Variants in CEBPZOS observed in about 807,000 individuals in gnomAD.
CEBPZOS encodes protein CEBPZOS.
Under a neutral mutation model 4.8 loss-of-function variants are expected in CEBPZOS, and 10 were observed. That is an observed-to-expected ratio of 2.07 (90% confidence interval 1.28 to 3.52). The LOEUF is 3.52. Ranked by LOEUF, CEBPZOS falls within the 30% of genes most tolerant of loss-of-function variation. The pLI is 0.00. For missense variants in CEBPZOS, 98 were observed against 43.6 expected, an observed-to-expected ratio of 2.25 and a Z score of -3.51; for synonymous variants, 25 against 14.2, an observed-to-expected ratio of 1.77 and a Z score of -1.72.
At chr2:37,215,048 A>T, downstream of CEBPZOS, 1 of 801,592 alleles carries the variant, frequency 1.2e-6, no homozygotes, top group Non-Finnish European at 2.1e-6. Flanking sequence ...CTGTAATTCT[A>T]AAAATCTCAG....
Position 37,199,769 on chromosome 2 carries a change from T to C in CEBPZOS, c.65T>C (p.Val22Ala). 1.4e-6 allele frequency: 1 copy of C among 717,654 alleles called. No individual in the cohort carries two copies. The highest frequency in any genetic ancestry group is 2.7e-5 in the East Asian group (1 of 37,282). The allele number at this position is 717,654 out of a possible 1,614,324, so 44.5% of individuals were successfully genotyped here. The change falls in exon 2 of 5, where the codon GTA becomes GCA. Residue 22 changes from valine (V) to alanine (A), a missense_variant. Transcript: ENST00000402297. ...AAAGGAGTTTTGGTAGCCGAACTTG[T>C]AGGCGTTTTTGGAGCATATTTTTTG... ...IFKGVLVAEL[V>A]GVFGAYFLFS...
intron 4 of CEBPZOS, chr2:37,212,350 T>C: frequency 1.2e-6 from 2 of 1,613,572 alleles, no homozygotes; most frequent in Admixed American, 1.7e-5. Flanking sequence ...AAAATCCATA[T>C]CATCCTTTCC....
At chr2:37,212,492 T>C (rs1677754570) in intron 4 of CEBPZOS, 5 of 1,022,600 alleles carry the variant, frequency 4.9e-6, no homozygotes, top group Non-Finnish European at 6.0e-6. Flanking sequence ...TTCTGCTGTT[T>C]ATGACAAGTG....
At chr2:37,216,051 C>T, downstream of CEBPZOS, 4 of 973,652 alleles carry the variant, frequency 4.1e-6, no homozygotes, top group Non-Finnish European at 6.0e-6. Context: ...AGGTTTTATT[C>T]TGATAAATTA....
intron 4 of CEBPZOS, chr2:37,210,885 C>G (rs1677699453): frequency 1.9e-6 from 1 of 519,154 alleles, no homozygotes; most frequent in Non-Finnish European, 3.2e-6. Flanking sequence ...TAAAAAGAAC[C>G]CCCCCCACCC....
Position 37,201,675 on chromosome 2 carries a change from A to G in CEBPZOS, c.194A>G (p.Tyr65Cys), listed in dbSNP as rs1339363803. The G allele has an allele frequency of 7.3e-6, 6 of 818,924 alleles. No homozygotes were observed. Among genetic ancestry groups the G allele is most frequent in the East Asian group, 2.7e-5 (1 of 37,632 alleles). The allele number at this position is 818,924 out of a possible 1,614,324, so 50.7% of individuals were successfully genotyped here. A position where few individuals can be genotyped will look rare whatever the true frequency, so the allele number is the denominator to read the frequency against. Residue 65 changes from tyrosine to cysteine, a missense_variant, in exon 4 of 5, where the codon TAT (tyrosine) becomes TGT (cysteine). Transcript: ENST00000402297. Reference protein sequence around the residue: ...YYKSTEKSGMYGIRELDQKTW... With the variant: ...YYKSTEKSGMCGIRELDQKTW... ...AAATCCACTGAGAAGTCTGGAATGT[A>G]TGGAATCAGAGAGCTAGATCAAAAA... is the stretch of plus-strand genomic sequence containing the variant.
Position 37,202,995 on chromosome 2 carries a change from C to T in CEBPZOS, c.*1135C>T. On this transcript the variant is annotated 3_prime_UTR_variant, in exon 5 of 5. Coordinates refer to ENST00000402297, the MANE Select transcript of CEBPZOS (RefSeq NM_001322374.2). ...GGCTGGAATCATTTAAGTTTCTTTT[C>T]TTTTTTCTTGGCCCTAAAAAAAATT... 1 of 1,549,914 alleles carries T rather than the reference C, an allele frequency of 6.5e-7. No individual in the cohort carries two copies.
At chr2:37,197,298 A>C (rs1258791280) in intron 1 of CEBPZOS, 1 of 152,236 alleles carries the variant, frequency 6.6e-6, no homozygotes, top group Non-Finnish European at 1.5e-5. Context: ...AAGTTTTATC[A>C]GCCTCCTGAA....
At chr2:37,214,291 T>C (rs547068667), downstream of CEBPZOS, among the ~76,000 whole-genome samples, 19 of 152,068 alleles carry the variant, frequency 1.2e-4, no homozygotes, top group Non-Finnish European at 2.4e-4. Context: ...ACAAGCCAAA[T>C]CAAACCTAAT....
chr2:37,210,860 A>C, intron 4 of CEBPZOS: 1 of 492,954 alleles, frequency 2.0e-6, no homozygotes, highest in Non-Finnish European at 3.6e-6. Flanking sequence ...AATAATTTCC[A>C]CTTAACATCT....
intron 2 of CEBPZOS, among the ~76,000 whole-genome samples, chr2:37,200,077 G>C (rs1677143802): frequency 6.6e-6 from 1 of 152,170 alleles, no homozygotes; most frequent in Admixed American, 6.5e-5. Context: ...GGAGGATATA[G>C]CAAGTGTCCT....
At chr2:37,201,820 G>T in intron 4 of CEBPZOS, 43 bp from the exon 5 acceptor site, 1 of 1,595,184 alleles carries the variant, frequency 6.3e-7, no homozygotes, top group Non-Finnish European at 8.6e-7. Context: ...TTTTTAAAAT[G>T]TTTCTTTTTC....
chr2:37,216,028 G>T, downstream of CEBPZOS: 20 of 677,156 alleles, frequency 3.0e-5, no homozygotes, highest in East Asian at 6.6e-5. Flanking sequence ...GATGGATAAT[G>T]TCTTTGATGC....
chr2:37,213,319 A>C (rs1677784924), intron 4 of CEBPZOS: 1 of 152,466 alleles, frequency 6.6e-6, no homozygotes, highest in African/African-American at 2.4e-5. Context: ...AAGCAAATAT[A>C]AATGTTTTCT....
In CEBPZOS at chr2:37,197,609, C is replaced by A. The variant is rs912013892; in HGVS notation, c.-2+1089C>A. ...CCAAGAGGCCGGGCGTGGCGGCACA[C>A]GCCTGTAATACCAGCACTTTGGGAG... On this transcript the variant is annotated intron_variant, in intron 1 of 4. Transcript: ENST00000402297. Among the ~76,000 whole-genome samples the A allele has an allele frequency of 3.9e-5, 6 of 152,292 alleles. No individual in the cohort carries two copies. In the South Asian group the frequency reaches 1.2e-3, roughly 32 times the overall value.
chr2:37,202,796 T>G lies in CEBPZOS; in HGVS notation c.*936T>G, dbSNP rs757074596. On this transcript the variant is annotated 3_prime_UTR_variant, in exon 5 of 5. Coordinates refer to ENST00000402297, the MANE Select transcript of CEBPZOS (RefSeq NM_001322374.2). ...TTAAGTTACTTACTTGCATTATCTT[T>G]GTTAGCCATGGCATTCATGCCAATG... 4 of 1,580,440 alleles carry G rather than the reference T, an allele frequency of 2.5e-6. No homozygotes were observed. The highest frequency in any genetic ancestry group is 2.7e-5 in the African/African-American group (2 of 73,456).
chr2:37,208,310 G>T (rs60818940), downstream of CEBPZOS, among the ~76,000 whole-genome samples: 1 of 151,776 alleles, frequency 6.6e-6, no homozygotes, highest in Non-Finnish European at 1.5e-5. Flanking sequence ...AGCCAATATC[G>T]CCCTAATTCC....
chr2:37,211,460 G>T, intron 4 of CEBPZOS: 1 of 233,938 alleles, frequency 4.3e-6, no homozygotes, highest in Non-Finnish European at 8.2e-6. Flanking sequence ...AGACAATTCT[G>T]GGTGTTCCTT....
chr2:37,212,324 A>G, intron 4 of CEBPZOS: 1 of 1,610,048 alleles, frequency 6.2e-7, no homozygotes, highest in Non-Finnish European at 8.5e-7. Flanking sequence ...GAGAAGATAG[A>G]AGTATGTTAC....
Sources: allele counts gnomAD v4.1 joint callset (sites outside exome capture counted in the v4.1 genomes callset), GRCh38; gene constraint gnomAD v4.1.1; transcripts MANE v1.5; gene names NCBI Gene and HGNC (gene_info 2026-07-23, HGNC 2026-07-21).